SUMF1: variants seen among roughly 807,000 people sequenced by gnomAD.
The protein encoded by SUMF1 is sulfatase modifying factor 1, also known as formylglycine-generating enzyme.
In SUMF1, 48 loss-of-function variants were observed where a neutral mutation model predicts 47.6. The observed-to-expected ratio is 1.01, with a 90% CI of 0.80 to 1.28. The LOEUF (loss-of-function observed/expected upper bound fraction) is 1.28. SUMF1 is among the 50% of genes most tolerant of loss of function. The pLI is 0.00. For synonymous variants in SUMF1, 230 were observed against 192.1 expected (o/e 1.20, Z -1.63); for missense variants, 571 against 485.4 (o/e 1.18, Z -1.66).
At position 4,259,961 on chromosome 3, in the gene SUMF1, G is replaced by C. The variant is rs957827187; in HGVS notation, c.1014+116369C>G. On this transcript the variant is annotated intron_variant and NMD_transcript_variant, in intron 8 of 12. Transcript: ENST00000448413. ...GCTCAGAGGAGAAGTTATAGTTGTCGTGAGTTAGAAAGTCCTCTCAAATAT... is the reference window on the plus strand; with the variant it reads ...GCTCAGAGGAGAAGTTATAGTTGTCCTGAGTTAGAAAGTCCTCTCAAATAT... Among the ~76,000 whole-genome samples, 3 of 151,506 alleles carry C rather than the reference G, an allele frequency of 2.0e-5. 1 individual carries two copies. Among genetic ancestry groups the C allele is most frequent in the Non-Finnish European group, 4.4e-5 (3 of 67,948 alleles).
At chr3:4,105,127 G>T (rs529674928) in intron 8 of SUMF1, among the ~76,000 whole-genome samples, 1 of 152,158 alleles carries the variant, frequency 6.6e-6, no homozygotes, top group East Asian at 1.9e-4. Context: ...AATAAGCCAA[G>T]GACAGAAAGG....
At chr3:4,355,900 C>T (rs777473560) in intron 8 of SUMF1, among the ~76,000 whole-genome samples, 1 of 152,188 alleles carries the variant, frequency 6.6e-6, no homozygotes, top group Non-Finnish European at 1.5e-5. Flanking sequence ...AGAATCTGAT[C>T]TGAAGCTGAA....
intron 8 of SUMF1, among the ~76,000 whole-genome samples, chr3:4,262,819 G>A (rs1334859789): frequency 5.9e-5 from 9 of 152,116 alleles, no homozygotes; most frequent in African/African-American, 1.4e-4. Context: ...GTCAATAGGC[G>A]AGGTCCACCC....
intron 8 of SUMF1, among the ~76,000 whole-genome samples, chr3:4,368,491 A>G (rs929430085): frequency 4.6e-5 from 7 of 152,130 alleles, no homozygotes; most frequent in Non-Finnish European, 7.4e-5. Flanking sequence ...TACTGGGTAT[A>G]TACCCAAAGG....
At chr3:4,224,202 A>G (rs1222175480) in intron 8 of SUMF1, among the ~76,000 whole-genome samples, 1 of 152,240 alleles carries the variant, frequency 6.6e-6, no homozygotes, top group South Asian at 2.1e-4. Context: ...TGGTGCAGAT[A>G]AAGTTTCTAT....
At chr3:4,194,797 C>T (rs923153066) in intron 8 of SUMF1, among the ~76,000 whole-genome samples, 4 of 152,220 alleles carry the variant, frequency 2.6e-5, no homozygotes, top group African/African-American at 7.2e-5. Context: ...CCCATTAATA[C>T]GGTCAATACA....
chr3:4,365,436 CTTG>C (rs1383092761), intron 8 of SUMF1, among the ~76,000 whole-genome samples: 1 of 124,374 alleles, frequency 8.0e-6, no homozygotes, highest in Non-Finnish European at 1.9e-5. Flanking sequence ...ATAGTTAGCT[CTTG>C]TTGTTGAATT....
At chr3:4,111,070 A>T (rs187818966) in intron 8 of SUMF1, among the ~76,000 whole-genome samples, 7,465 of 151,482 alleles carry the variant, frequency 0.049, 503 homozygotes, top group East Asian at 0.15. Context: ...CAAAGTCAGC[A>T]TTTTTTTTAA....
intron 8 of SUMF1, among the ~76,000 whole-genome samples, chr3:4,123,135 G>C (rs1189949633): frequency 1.3e-5 from 2 of 152,162 alleles, no homozygotes; most frequent in African/African-American, 4.8e-5. Context: ...CAGCTATGAA[G>C]AAAAGAAGGC....
At chr3:4,213,807 C>A (rs1695855680) in intron 8 of SUMF1, among the ~76,000 whole-genome samples, 1 of 152,020 alleles carries the variant, frequency 6.6e-6, no homozygotes, top group Admixed American at 6.6e-5. Context: ...TCAAAAGAGA[C>A]AAAGAAGGCC....
intron 8 of SUMF1, among the ~76,000 whole-genome samples, chr3:4,120,769 CA>C (rs1170903118): frequency 6.6e-6 from 1 of 152,112 alleles, no homozygotes; most frequent in East Asian, 1.9e-4. Context: ...CCTCCTTCAA[CA>C]AGACCCCCAA....
intron 8 of SUMF1, among the ~76,000 whole-genome samples, chr3:4,159,603 A>G (rs1001362644): frequency 6.6e-6 from 1 of 151,952 alleles, no homozygotes; most frequent in African/African-American, 2.4e-5. Context: ...GTGTAATACT[A>G]TTCTGTGGTT....
intron 8 of SUMF1, among the ~76,000 whole-genome samples, chr3:4,305,495 T>C (rs1698154970): frequency 1.3e-5 from 2 of 152,312 alleles, no homozygotes; most frequent in South Asian, 2.1e-4. Context: ...CGGTCTTAGT[T>C]GATTATCTCC....
chr3:4,037,922 G>C (rs973372182), intron 9 of SUMF1, among the ~76,000 whole-genome samples: 1 of 152,150 alleles, frequency 6.6e-6, no homozygotes, highest in Admixed American at 6.5e-5. Context: ...GGCGGGTTAT[G>C]TTATTGAGGT....
At chr3:4,063,220 A>G (rs941863735) in intron 9 of SUMF1, among the ~76,000 whole-genome samples, 2 of 152,058 alleles carry the variant, frequency 1.3e-5, no homozygotes, top group African/African-American at 4.8e-5. Flanking sequence ...ATGCCCACAC[A>G]TCAACTGCCT....
intron 8 of SUMF1, among the ~76,000 whole-genome samples, chr3:4,375,285 C>T (rs1262713521): frequency 1.3e-5 from 2 of 151,888 alleles, no homozygotes; most frequent in Non-Finnish European, 2.9e-5. Context: ...ACAGAAGATA[C>T]ACATACATAC....
intron 8 of SUMF1, among the ~76,000 whole-genome samples, chr3:4,338,850 T>C (rs1429340967): frequency 6.6e-6 from 1 of 152,116 alleles, no homozygotes; most frequent in Non-Finnish European, 1.5e-5. Flanking sequence ...TTAGTGTGTG[T>C]GTGCAAATTT....
intron 8 of SUMF1, among the ~76,000 whole-genome samples, chr3:4,284,248 C>A (rs1383161222): frequency 2.7e-4 from 41 of 150,724 alleles, no homozygotes; most frequent in Admixed American, 1.3e-4. Flanking sequence ...AATCCCATTT[C>A]TACAAAAAAA....
chr3:4,330,660 A>G (rs111727902), intron 8 of SUMF1, among the ~76,000 whole-genome samples: 1,868 of 152,334 alleles, frequency 0.012, 22 homozygotes, highest in African/African-American at 0.038. Context: ...CAAATCAGAC[A>G]GCATGAGGCC....
Sources: gnomAD v4.1 joint callset for allele counts (sites outside exome capture counted in the v4.1 genomes callset) on GRCh38, gnomAD v4.1.1 for gene constraint, MANE v1.5 for transcripts, NCBI Gene and HGNC (gene_info 2026-07-23, HGNC 2026-07-21) for gene names.